MAGI1: variants seen among roughly 807,000 people sequenced by gnomAD.
MAGI1 encodes the protein membrane associated guanylate kinase, WW and PDZ domain containing 1.
A neutral mutation model predicts 139.9 loss-of-function variants in MAGI1; 58 were observed. The ratio of observed to expected loss-of-function variants is 0.41; its 90% confidence interval spans 0.34 to 0.52. The LOEUF is 0.52. Ranked by LOEUF, MAGI1 falls within the 20% of genes least tolerant of loss-of-function variation. The pLI is 0.12. For missense variants in MAGI1, 1,874 were observed against 1,901.6 expected (o/e 0.99, Z 0.27); for synonymous variants, 812 against 737.9 (o/e 1.10, Z -1.63).
intron 1 of MAGI1, among the ~76,000 whole-genome samples, chr3:65,705,360 T>C (rs2030015901): frequency 6.6e-6 from 1 of 152,206 alleles, no homozygotes; most frequent in African/African-American, 2.4e-5. Flanking sequence ...TCTAATTAAA[T>C]ACAGAGTATC....
At chr3:65,869,540 A>G (rs2059861257) in intron 1 of MAGI1, among the ~76,000 whole-genome samples, 1 of 151,506 alleles carries the variant, frequency 6.6e-6, no homozygotes, top group Middle Eastern at 3.2e-3. Context: ...AGCTGGGACT[A>G]CAGGCACCCG....
chr3:65,676,397 T>C lies in MAGI1; in HGVS notation c.314-54309A>G, dbSNP rs563512924. Among the ~76,000 whole-genome samples, 73 of 152,322 alleles carry C rather than the reference T, an allele frequency of 4.8e-4. 1 individual carries two copies. The South Asian group carries it at 8.5e-3, about 18-fold the overall frequency. ...TCATGACTGCAATAATCACGGTTAGTTCCAAGAAAAGTAATTGGAGCAGAG... is the reference window on the plus strand; with the variant it reads ...TCATGACTGCAATAATCACGGTTAGCTCCAAGAAAAGTAATTGGAGCAGAG... On this transcript the variant is annotated intron_variant, in intron 1 of 22. Coordinates refer to ENST00000402939, the MANE Select transcript of MAGI1 (RefSeq NM_001033057.2).
At chr3:65,936,155 G>C (rs146015604) in intron 1 of MAGI1, among the ~76,000 whole-genome samples, 13 of 152,264 alleles carry the variant, frequency 8.5e-5, no homozygotes, top group Admixed American at 1.3e-4. Flanking sequence ...GCCATGGAAG[G>C]GTTTTAAGAA....
At chr3:65,508,397 C>G (rs1437061988) in intron 2 of MAGI1, among the ~76,000 whole-genome samples, 1 of 151,252 alleles carries the variant, frequency 6.6e-6, no homozygotes, top group Non-Finnish European at 1.5e-5. Flanking sequence ...GAGTGAGACT[C>G]TGTCTCAAAA....
intron 1 of MAGI1, among the ~76,000 whole-genome samples, chr3:65,700,974 T>C (rs932558255): frequency 1.3e-5 from 2 of 152,170 alleles, no homozygotes; most frequent in Admixed American, 6.5e-5. Context: ...AAATCACTTA[T>C]TCAACCGCCC....
At chr3:65,852,587 T>C (rs1269790221) in intron 1 of MAGI1, among the ~76,000 whole-genome samples, 1 of 149,820 alleles carries the variant, frequency 6.7e-6, no homozygotes, top group African/African-American at 2.5e-5. Flanking sequence ...CACCGCAACC[T>C]CTGCCTCCCG....
At position 65,852,561 on chromosome 3, in the gene MAGI1, C is replaced by T. The variant is rs141753428; in HGVS notation, c.313+185435G>A. Among the ~76,000 whole-genome samples the T allele has an allele frequency of 4.4e-3, 660 of 149,518 alleles. 5 individuals are homozygous for T. Among genetic ancestry groups the T allele is most frequent in the African/African-American group, 0.016 (641 of 40,294 alleles). The stretch of plus-strand genomic sequence containing the variant: ...TCTTATTGCCCAGGCTGGAGCACAA[C>T]TGCATGATCTCAGCTCACCGCAACC... On this transcript the variant is annotated intron_variant, in intron 1 of 22. Transcript: ENST00000402939.
chr3:65,777,484 G>A (rs529907657), intron 1 of MAGI1, among the ~76,000 whole-genome samples: 33 of 152,022 alleles, frequency 2.2e-4, no homozygotes, highest in Non-Finnish European at 4.3e-4. Context: ...CTTGAAAACC[G>A]TGCTCATGGC....
rs1446460835 is a variant in MAGI1 at position 65,425,130 on chromosome 3, AAAC to A, written c.2167+4387_2167+4389del. Among the ~76,000 whole-genome samples, 160 of 40,116 alleles carry A rather than the reference AAAC, an allele frequency of 4.0e-3. 4 individuals carry two copies. The highest frequency in any genetic ancestry group is 9.0e-3 in the African/African-American group (79 of 8,810). The allele number at this position is 40,116 out of a possible 152,430, so 26.3% of individuals were successfully genotyped here. On this transcript the variant is annotated intron_variant, in intron 12 of 22. Coordinates refer to ENST00000402939, the MANE Select transcript of MAGI1 (RefSeq NM_001033057.2). ...TTCTAAAAAAAAAAAAAAAAAAAAAAAACAAAAAAAAACACACATGCCTAAACA... is the reference window on the plus strand; with the variant it reads ...TTCTAAAAAAAAAAAAAAAAAAAAAAAAAAAAAAACACACATGCCTAAACA...
intron 2 of MAGI1, among the ~76,000 whole-genome samples, chr3:65,495,865 C>G (rs1247989207): frequency 6.6e-6 from 1 of 151,516 alleles, no homozygotes; most frequent in African/African-American, 2.4e-5. Context: ...CTGGTGTGTT[C>G]AGGGAAGGGC....
chr3:65,841,226 C>A (rs976227594), intron 1 of MAGI1, among the ~76,000 whole-genome samples: 10 of 151,910 alleles, frequency 6.6e-5, no homozygotes, highest in African/African-American at 2.4e-5. Context: ...TTTCAAAGAA[C>A]TAGCTTTTTG....
intron 3 of MAGI1, among the ~76,000 whole-genome samples, chr3:65,491,168 G>C (rs1158833500): frequency 1.3e-5 from 2 of 152,116 alleles, no homozygotes; most frequent in Non-Finnish European, 2.9e-5. Flanking sequence ...TTAGGAAAGA[G>C]TGTAGGATCT....
At position 65,892,410 on chromosome 3, in the gene MAGI1, T is replaced by A. The variant is rs186435316; in HGVS notation, c.313+145586A>T. Among the ~76,000 whole-genome samples the A allele has an allele frequency of 2.0e-3, 298 of 152,288 alleles. 4 individuals carry two copies. Among genetic ancestry groups the A allele is most frequent in the African/African-American group, 6.6e-3 (276 of 41,572 alleles). ...ACATAAAATAATAGCAGAATCAGAT[T>A]TTGTTTAAGATAATAATAGCAGAAT... On this transcript the variant is annotated intron_variant, in intron 1 of 22. Transcript: ENST00000402939.
chr3:65,688,731 T>C (rs371098680), intron 1 of MAGI1, among the ~76,000 whole-genome samples: 1 of 152,196 alleles, frequency 6.6e-6, no homozygotes, highest in African/African-American at 2.4e-5. Context: ...TGAAGGAGGA[T>C]ACCAACATAT....
At chr3:65,762,357 C>T (rs2037103992) in intron 1 of MAGI1, among the ~76,000 whole-genome samples, 1 of 152,094 alleles carries the variant, frequency 6.6e-6, no homozygotes, top group Non-Finnish European at 1.5e-5. Flanking sequence ...GCAGAGGCGA[C>T]TTGCAAGGCA....
intron 12 of MAGI1, among the ~76,000 whole-genome samples, chr3:65,423,386 A>G (rs7642157): frequency 0.31 from 47,193 of 151,644 alleles, 9,808 homozygotes; most frequent in Non-Finnish European, 0.46. Flanking sequence ...ACACACGCGC[A>G]CACACACACA....
At chr3:65,762,486 G>A (rs796331400) in intron 1 of MAGI1, among the ~76,000 whole-genome samples, 58 of 152,000 alleles carry the variant, frequency 3.8e-4, no homozygotes, top group African/African-American at 1.3e-3. Context: ...AAAACACACA[G>A]ATCTCCAAAG....
At chr3:65,555,554 C>T (rs2080046039) in intron 2 of MAGI1, among the ~76,000 whole-genome samples, 1 of 152,010 alleles carries the variant, frequency 6.6e-6, no homozygotes, top group South Asian at 2.1e-4. Context: ...GAGGTGGTGC[C>T]ATTTAAAAAA....
At chr3:65,762,222 G>A (rs962508057) in intron 1 of MAGI1, among the ~76,000 whole-genome samples, 1 of 152,092 alleles carries the variant, frequency 6.6e-6, no homozygotes, top group Non-Finnish European at 1.5e-5. Context: ...CCCCTCCAAC[G>A]AGAATCACAA....
Sources: gnomAD v4.1 joint callset for allele counts (sites outside exome capture counted in the v4.1 genomes callset) on GRCh38, gnomAD v4.1.1 for gene constraint, MANE v1.5 for transcripts, NCBI Gene and HGNC (gene_info 2026-07-23, HGNC 2026-07-21) for gene names.